Variants in COL25A1 observed in about 807,000 individuals in gnomAD.
COL25A1 encodes the protein collagen alpha-1(XXV) chain.
Under a neutral mutation model 128.4 loss-of-function variants are expected in COL25A1, and 103 were observed. That is an observed-to-expected ratio of 0.80 (90% CI 0.68 to 0.94). The LOEUF (loss-of-function observed/expected upper bound fraction) is 0.94. Among genes scored for constraint, COL25A1 ranks in the 40% least tolerant of loss-of-function variants. COL25A1 has a pLI of 0.00. For synonymous variants in COL25A1, 279 were observed against 277.2 expected (o/e 1.01, Z -0.06); for missense variants, 745 against 840.0 (o/e 0.89, Z 1.40).
At chr4:109,159,657 A>T (rs1772371443) in intron 3 of COL25A1, among the ~76,000 whole-genome samples, 1 of 152,250 alleles carries the variant, frequency 6.6e-6, no homozygotes, top group African/African-American at 2.4e-5. Context: ...AACATTAATC[A>T]TGAAGAAAAA....
chr4:109,015,010 C>A (rs1757086747), intron 5 of COL25A1, among the ~76,000 whole-genome samples: 1 of 152,166 alleles, frequency 6.6e-6, no homozygotes, highest in African/African-American at 2.4e-5. Context: ...TTGCAGTCGT[C>A]CTAATAGAGC....
At chr4:109,146,360 GAGAA>G (rs1770945705) in intron 3 of COL25A1, among the ~76,000 whole-genome samples, 1 of 152,074 alleles carries the variant, frequency 6.6e-6, no homozygotes. Flanking sequence ...AAGCATCCTG[GAGAA>G]AGATTTAAAA....
intron 3 of COL25A1, among the ~76,000 whole-genome samples, chr4:109,185,992 C>T (rs892069857): frequency 4.6e-5 from 7 of 152,154 alleles, no homozygotes; most frequent in Admixed American, 2.0e-4. Flanking sequence ...ATAAGTATTC[C>T]GTTGTGGCAG....
In COL25A1 at chr4:108,945,356, T is replaced by C. The variant is rs75226176; in HGVS notation, c.493-3919A>G. Among the ~76,000 whole-genome samples, 310 of 152,324 alleles carry C rather than the reference T, an allele frequency of 2.0e-3. 2 individuals are homozygous for C. The highest frequency in any genetic ancestry group is 0.017 in the Middle Eastern group (5 of 294). ...TTCTTTGGAGGGTTGGTTTGTAAAG[T>C]ACAGGTGTTGACACCTATCTTCAGT... On this transcript the variant is annotated intron_variant, in intron 8 of 37. Coordinates refer to ENST00000399132, the MANE Select transcript of COL25A1 (RefSeq NM_198721.4).
chr4:109,297,055 T>G (rs1725046190), intron 3 of COL25A1, among the ~76,000 whole-genome samples: 1 of 152,148 alleles, frequency 6.6e-6, no homozygotes, highest in African/African-American at 2.4e-5. Context: ...CTGGTTTGGT[T>G]ACTGCTAAAC....
intron 16 of COL25A1, among the ~76,000 whole-genome samples, chr4:108,890,357 A>G (rs1741342573): frequency 6.6e-6 from 1 of 152,204 alleles, no homozygotes; most frequent in Non-Finnish European, 1.5e-5. Flanking sequence ...AAGTTACAGG[A>G]TGATGGATGA....
intron 5 of COL25A1, among the ~76,000 whole-genome samples, chr4:109,029,646 G>T (rs189016813): frequency 6.6e-6 from 1 of 152,140 alleles, no homozygotes; most frequent in Non-Finnish European, 1.5e-5. Context: ...AAACATATAC[G>T]TATAGGATTT....
chr4:109,135,570 GTGAGGACAGCT>G (rs1012417603), intron 3 of COL25A1, among the ~76,000 whole-genome samples: 4 of 152,048 alleles, frequency 2.6e-5, no homozygotes, highest in African/African-American at 9.7e-5. Context: ...TTCAACCCAA[GTGAGGACAGCT>G]TGAGGACAGC....
At position 108,813,911 on chromosome 4, in the gene COL25A1, T is replaced by C. The variant is rs1731008489; in HGVS notation, c.*16A>G. On this transcript the variant is annotated 3_prime_UTR_variant, in exon 38 of 38. Coordinates refer to ENST00000399132, the MANE Select transcript of COL25A1 (RefSeq NM_198721.4). ...ACCCTTATATACACAACTTCATGCT[T>C]GAAAGGTTAGATTCATCACTGCAGA... The C allele has an allele frequency of 1.9e-6, 3 of 1,589,806 alleles. No individual in the cohort carries two copies. The highest frequency in any genetic ancestry group is 2.6e-6 in the Non-Finnish European group (3 of 1,160,080).
intron 3 of COL25A1, among the ~76,000 whole-genome samples, chr4:109,270,059 G>A (rs1223759236): frequency 6.6e-6 from 1 of 151,988 alleles, no homozygotes. Context: ...AGGTATTGAT[G>A]GGACATATTT....
In COL25A1 at chr4:109,000,143, A is replaced by G. The variant is rs956631040; in HGVS notation, c.438+10215T>C. Reference sequence around the variant, plus strand: ...TAAAAAAAAGCTCTGCAAAAAAAAGAGAGAAAGGAAAAAAGTGTTCATGAA... The same window carrying G: ...TAAAAAAAAGCTCTGCAAAAAAAAGGGAGAAAGGAAAAAAGTGTTCATGAA... On this transcript the variant is annotated intron_variant, in intron 6 of 37. Transcript: ENST00000399132. Among the ~76,000 whole-genome samples, 6 of 152,272 alleles carry G rather than the reference A, an allele frequency of 3.9e-5. No homozygotes were observed. The East Asian group carries it at 1.2e-3, about 29-fold the overall frequency.
At chr4:109,048,971 A>G (rs994435213) in intron 4 of COL25A1, among the ~76,000 whole-genome samples, 4 of 152,134 alleles carry the variant, frequency 2.6e-5, no homozygotes, top group African/African-American at 9.6e-5. Context: ...AGGAATACCT[A>G]TACAAGTTTC....
intron 2 of COL25A1, among the ~76,000 whole-genome samples, chr4:109,300,992 C>A (rs1725464446): frequency 1.3e-5 from 2 of 152,136 alleles, no homozygotes. Context: ...CCAATAACAG[C>A]CAATATTTTA....
intron 3 of COL25A1, among the ~76,000 whole-genome samples, chr4:109,268,951 CT>C (rs1781987032): frequency 6.6e-6 from 1 of 151,046 alleles, no homozygotes; most frequent in Non-Finnish European, 1.5e-5. Context: ...TTTTTTTATA[CT>C]TTAAGTTTTA....
At chr4:109,010,299 AC>A (rs5860962) in intron 6 of COL25A1, 58 bp downstream of exon 6, 534,743 of 1,329,716 alleles carry the variant, frequency 0.4, 117,410 homozygotes, top group African/African-American at 0.78. Context: ...TTGCAGAAAG[AC>A]CTCCACACTG....
intron 19 of COL25A1, 71 bp from the exon 20 acceptor site, chr4:108,869,221 T>TA: frequency 3.3e-6 from 1 of 302,568 alleles, no homozygotes; most frequent in Middle Eastern, 1.1e-3. Context: ...AATAAATAAA[T>TA]AAAAACTAAA....
intron 8 of COL25A1, among the ~76,000 whole-genome samples, chr4:108,952,737 A>G (rs1749591800): frequency 6.6e-6 from 1 of 151,560 alleles, no homozygotes; most frequent in Non-Finnish European, 1.5e-5. Flanking sequence ...GAGGAGGCAT[A>G]GCATGGATCA....
intron 6 of COL25A1, among the ~76,000 whole-genome samples, chr4:108,983,185 T>C (rs1046623527): frequency 2.0e-5 from 3 of 152,048 alleles, no homozygotes; most frequent in African/African-American, 7.3e-5. Context: ...TGTTTAACTT[T>C]GATTTTTTTT....
At chr4:109,027,283 G>A (rs1293412680) in intron 5 of COL25A1, among the ~76,000 whole-genome samples, 2 of 152,114 alleles carry the variant, frequency 1.3e-5, no homozygotes, top group Non-Finnish European at 1.5e-5. Flanking sequence ...TCATGGGGGG[G>A]CCTTGAATGG....
Sources: gnomAD v4.1 joint callset for allele counts (sites outside exome capture counted in the v4.1 genomes callset) on GRCh38, gnomAD v4.1.1 for gene constraint, MANE v1.5 for transcripts, NCBI Gene and HGNC (gene_info 2026-07-23, HGNC 2026-07-21) for gene names.